XYLT1: variants seen among roughly 807,000 people sequenced by gnomAD.
XYLT1 encodes beta-D-xylosyltransferase 1.
Under a neutral mutation model 91.3 loss-of-function variants are expected in XYLT1, and 36 were observed. The observed-to-expected ratio is 0.39, with a 90% CI of 0.30 to 0.52. The LOEUF is 0.52. Among genes scored for constraint, XYLT1 ranks in the 20% least tolerant of loss-of-function variants. The pLI is 0.68. For missense variants in XYLT1, 1,242 were observed against 1,284.5 expected, an observed-to-expected ratio of 0.97 and a Z score of 0.51; for synonymous variants, 588 against 532.0, an observed-to-expected ratio of 1.11 and a Z score of -1.45.
intron 3 of XYLT1, among the ~76,000 whole-genome samples, chr16:17,230,807 C>G (rs1250893218): frequency 2.0e-5 from 3 of 152,166 alleles, no homozygotes; most frequent in African/African-American, 7.2e-5. Flanking sequence ...CAGTGGCCCT[C>G]AACTGGAAGT....
At chr16:17,453,535 C>T (rs1359961608) in intron 1 of XYLT1, among the ~76,000 whole-genome samples, 1 of 152,200 alleles carries the variant, frequency 6.6e-6, no homozygotes, top group Non-Finnish European at 1.5e-5. Context: ...CAGGATCCTG[C>T]ATTTCTAAAC....
rs184119100 is a variant in XYLT1, at chr16:17,129,501, A to G, written c.2028-1640T>C. Among the ~76,000 whole-genome samples the G allele has an allele frequency of 5.1e-3, 770 of 152,186 alleles. 2 individuals are homozygous for G. The highest frequency in any genetic ancestry group is 8.8e-3 in the Non-Finnish European group (600 of 67,992). ...GGTCTCAAACTCACTCCTGACCTCA[A>G]GTGATCCGCCCGCCTCGGCCTCCCA... On this transcript the variant is annotated intron_variant, in intron 9 of 11. Transcript: ENST00000261381.
intron 2 of XYLT1, among the ~76,000 whole-genome samples, chr16:17,266,106 C>T (rs537460257): frequency 1.3e-5 from 2 of 152,294 alleles, no homozygotes; most frequent in East Asian, 3.9e-4. Context: ...AAGCGCATCC[C>T]GTCTGCAGCC....
intron 2 of XYLT1, among the ~76,000 whole-genome samples, chr16:17,352,697 T>C (rs1000219100): frequency 3.9e-5 from 6 of 152,154 alleles, no homozygotes; most frequent in African/African-American, 1.4e-4. Flanking sequence ...TACAACCACC[T>C]CCACTCTACC....
intron 2 of XYLT1, among the ~76,000 whole-genome samples, chr16:17,344,062 C>T (rs1311717311): frequency 6.6e-6 from 1 of 152,094 alleles, no homozygotes; most frequent in Non-Finnish European, 1.5e-5. Flanking sequence ...GGTGCTTTTG[C>T]TCCCCAGAGA....
chr16:17,117,738 G>C lies in XYLT1; in HGVS notation c.2465C>G (p.Thr822Arg), dbSNP rs781285104. Reference sequence around the variant, plus strand: ...CACCCAGTGGTGGAGAATTTTCACTGTCCAGACCCCAGGCCTCAGGGGCAA... The same window carrying C: ...CACCCAGTGGTGGAGAATTTTCACTCTCCAGACCCCAGGCCTCAGGGGCAA... ...LNLPLRPGVWTVKILHHWVPV... is the reference protein window; with the variant it reads ...LNLPLRPGVWRVKILHHWVPV... The change falls in exon 11 of 12, where the codon ACA becomes AGA. Residue 822 changes from threonine to arginine, a missense_variant. Physicochemically the swap from Thr to Arg is moderately conservative, Grantham distance 71. This residue lies in a region of XYLT1 where 511 missense variants were observed against 497.0 expected (regional missense o/e 1.03). Coordinates refer to ENST00000261381, the MANE Select transcript of XYLT1 (RefSeq NM_022166.4). The C allele has an allele frequency of 1.9e-6, 3 of 1,614,178 alleles. No individual in the cohort carries two copies. In the Admixed American group the frequency reaches 5.0e-5, roughly 27 times the overall value.
At chr16:17,451,149 A>G (rs1017943120) in intron 1 of XYLT1, among the ~76,000 whole-genome samples, 3 of 152,280 alleles carry the variant, frequency 2.0e-5, no homozygotes, top group African/African-American at 4.8e-5. Context: ...TGCAATTTCT[A>G]AACCAGTCAA....
intron 10 of XYLT1, among the ~76,000 whole-genome samples, chr16:17,121,083 A>C (rs187517690): frequency 6.6e-6 from 1 of 152,176 alleles, no homozygotes; most frequent in Admixed American, 6.5e-5. Context: ...GGCTGAACAC[A>C]TGGACTTCCC....
intron 2 of XYLT1, among the ~76,000 whole-genome samples, chr16:17,264,237 C>G (rs2033768117): frequency 6.6e-6 from 1 of 152,166 alleles, no homozygotes; most frequent in Non-Finnish European, 1.5e-5. Flanking sequence ...CCTCCCCAAT[C>G]CCCCAACTCC....
intron 9 of XYLT1, among the ~76,000 whole-genome samples, chr16:17,130,565 C>G (rs569687538): frequency 6.6e-6 from 1 of 152,094 alleles, no homozygotes; most frequent in Non-Finnish European, 1.5e-5. Flanking sequence ...CTCTGCCTCC[C>G]GGGTTCAAGC....
intron 5 of XYLT1, among the ~76,000 whole-genome samples, chr16:17,169,761 A>G (rs2031782632): frequency 6.6e-6 from 1 of 152,218 alleles, no homozygotes; most frequent in Non-Finnish European, 1.5e-5. Flanking sequence ...TTGTCCTCAC[A>G]TGCCATGAGG....
chr16:17,185,397 G>A (rs1159764205), intron 5 of XYLT1, among the ~76,000 whole-genome samples: 1 of 152,186 alleles, frequency 6.6e-6, no homozygotes, highest in Non-Finnish European at 1.5e-5. Flanking sequence ...GGTTTTATTG[G>A]ATGGTTTCGA....
chr16:17,341,252 A>G (rs922831500), intron 2 of XYLT1, among the ~76,000 whole-genome samples: 1 of 152,242 alleles, frequency 6.6e-6, no homozygotes, highest in African/African-American at 2.4e-5. Context: ...GTCTACCAAC[A>G]GGAAATCAGT....
chr16:17,276,396 G>T (rs1332565684), intron 2 of XYLT1, among the ~76,000 whole-genome samples: 1 of 152,196 alleles, frequency 6.6e-6, no homozygotes, highest in Non-Finnish European at 1.5e-5. Context: ...GAAGGCCACA[G>T]GAATCAAAGT....
intron 1 of XYLT1, among the ~76,000 whole-genome samples, chr16:17,362,518 G>C (rs1007843177): frequency 6.6e-6 from 1 of 152,224 alleles, no homozygotes; most frequent in Non-Finnish European, 1.5e-5. Flanking sequence ...GCAGGAGCCT[G>C]ATTACAGGTC....
At chr16:17,451,739 T>G (rs1406297149) in intron 1 of XYLT1, among the ~76,000 whole-genome samples, 1 of 152,126 alleles carries the variant, frequency 6.6e-6, no homozygotes, top group Non-Finnish European at 1.5e-5. Flanking sequence ...CTTAGTGAGA[T>G]AGAAGACTCT....
At chr16:17,223,443 G>A (rs768057157) in intron 3 of XYLT1, among the ~76,000 whole-genome samples, 6 of 152,348 alleles carry the variant, frequency 3.9e-5, no homozygotes, top group Middle Eastern at 3.4e-3. Flanking sequence ...ACTTCACATC[G>A]TTTGCAGTCA....
In XYLT1 at chr16:17,102,439, C is replaced by G. The variant is rs1966716712; in HGVS notation, c.*6256G>C. 6.6e-6 allele frequency: 1 copy of G among 152,524 alleles called. No homozygotes were observed. Among genetic ancestry groups the G allele is most frequent in the African/African-American group, 2.4e-5 (1 of 41,410 alleles). 9.4% of individuals were successfully genotyped at this position (152,524 alleles called of 1,614,324 possible). The stretch of plus-strand genomic sequence containing the variant: ...TGGTATGATACAGTATTTAATACAT[C>G]CACTGTTTTCTGCAAAAAATGTTGC... On this transcript the variant is annotated 3_prime_UTR_variant, in exon 12 of 12. Transcript: ENST00000261381.
intron 1 of XYLT1, among the ~76,000 whole-genome samples, chr16:17,389,683 T>C (rs112266961): frequency 4.4e-4 from 67 of 152,298 alleles, no homozygotes; most frequent in Admixed American, 1.1e-3. Context: ...CCCTGGCGAT[T>C]GAGAAGTTCA....
Sources: allele counts gnomAD v4.1 joint callset (sites outside exome capture counted in the v4.1 genomes callset), GRCh38; gene constraint gnomAD v4.1.1; regional missense constraint gnomAD v4.1.1; transcripts MANE v1.5; gene names NCBI Gene and HGNC (gene_info 2026-07-23, HGNC 2026-07-21).